DNAH14: variants seen among roughly 807,000 people sequenced by gnomAD.
DNAH14 encodes the protein dynein axonemal heavy chain 14.
DNAH14 carries 478 observed loss-of-function variants against 520.9 expected under a neutral mutation model. The observed-to-expected ratio is 0.92, with a 90% CI of 0.85 to 0.99. The LOEUF (loss-of-function observed/expected upper bound fraction) is 0.99, where lower values mean the gene tolerates loss of function less well. Among genes scored for constraint, DNAH14 ranks in the 50% least tolerant of loss-of-function variants. The pLI is 0.00. For synonymous variants in DNAH14, 1,581 were observed against 1,757.2 expected, an observed-to-expected ratio of 0.90 and a Z score of 2.51; for missense variants, 4,831 against 5,234.5, an observed-to-expected ratio of 0.92 and a Z score of 2.38.
intron 43 of DNAH14, among the ~76,000 whole-genome samples, chr1:225,246,241 A>C (rs2092276859): frequency 1.3e-5 from 2 of 152,182 alleles, no homozygotes; most frequent in Admixed American, 6.5e-5. Context: ...AGATGGATTA[A>C]AGATGTAAAT....
chr1:225,354,981 T>C (rs1243449487), intron 73 of DNAH14, among the ~76,000 whole-genome samples: 1 of 152,228 alleles, frequency 6.6e-6, no homozygotes, highest in Non-Finnish European at 1.5e-5. Context: ...TTTGGTTTTT[T>C]ACAACTTTTC....
At chr1:225,119,319 A>G in intron 26 of DNAH14, 25 bp downstream of exon 26, 1 of 1,461,912 alleles carries the variant, frequency 6.8e-7, no homozygotes, top group Middle Eastern at 2.3e-4. Context: ...CAAATCCTAA[A>G]ATTATATATT....
At chr1:225,226,361 G>A (rs1373385840) in intron 41 of DNAH14, among the ~76,000 whole-genome samples, 3 of 152,120 alleles carry the variant, frequency 2.0e-5, no homozygotes, top group Non-Finnish European at 4.4e-5. Context: ...TTGTGTGCCC[G>A]CCCAAACACA....
At chr1:224,945,161 G>C (rs1391152258) in intron 1 of DNAH14, among the ~76,000 whole-genome samples, 1 of 152,076 alleles carries the variant, frequency 6.6e-6, no homozygotes, top group Non-Finnish European at 1.5e-5. Flanking sequence ...TTTTCACAGA[G>C]TCCCATATTT....
chr1:225,158,070 A>C (rs887385599), intron 34 of DNAH14, among the ~76,000 whole-genome samples: 1 of 152,190 alleles, frequency 6.6e-6, no homozygotes, highest in Admixed American at 6.5e-5. Flanking sequence ...AAGAAATGAT[A>C]AATGTTTGGA....
At chr1:225,008,481 A>AT (rs2064379517) in intron 10 of DNAH14, among the ~76,000 whole-genome samples, 3 of 151,640 alleles carry the variant, frequency 2.0e-5, no homozygotes, top group Non-Finnish European at 4.4e-5. Context: ...CTAGTTCTAG[A>AT]TCCCTACTAT....
chr1:225,251,516 T>G (rs1449919646), intron 43 of DNAH14, among the ~76,000 whole-genome samples: 1 of 152,182 alleles, frequency 6.6e-6, no homozygotes, highest in Admixed American at 6.5e-5. Context: ...AAATCCTTTG[T>G]GTCCTTCAGT....
In DNAH14 at chr1:225,393,813, TG is replaced by T. The variant is rs1244049459; in HGVS notation, c.13491+1363del. On this transcript the variant is annotated intron_variant, in intron 84 of 85. Transcript: ENST00000682510. ...GGACGTGCAGTGATATATCTTTTTT[TG>T]TTTTTTTTTTGTTTTTTTTTTTGAG... Among the ~76,000 whole-genome samples the T allele has an allele frequency of 3.0e-4, 42 of 140,258 alleles. 1 individual carries two copies. The South Asian group carries it at 3.1e-3, about 10-fold the overall frequency. 92.0% of individuals were successfully genotyped at this position (140,258 alleles called of 152,430 possible).
At chr1:225,367,453 T>A (rs2095568059) in intron 76 of DNAH14, among the ~76,000 whole-genome samples, 2 of 152,210 alleles carry the variant, frequency 1.3e-5, no homozygotes, top group South Asian at 4.1e-4. Context: ...TGGGTCCTGT[T>A]ACAGCCTCAT....
At chr1:225,055,272 A>G (rs533099870) in intron 17 of DNAH14, among the ~76,000 whole-genome samples, 13 of 152,282 alleles carry the variant, frequency 8.5e-5, no homozygotes, top group Middle Eastern at 3.4e-3. Flanking sequence ...CCTTCTTCAA[A>G]AATGAGATGT....
intron 44 of DNAH14, among the ~76,000 whole-genome samples, chr1:225,253,370 C>A (rs896430665): frequency 1.2e-4 from 19 of 152,108 alleles, no homozygotes; most frequent in African/African-American, 3.9e-4. Context: ...TTCTCCAAAT[C>A]TAGAACATTA....
At chr1:225,266,377 G>A (rs936988879) in intron 48 of DNAH14, among the ~76,000 whole-genome samples, 3 of 152,078 alleles carry the variant, frequency 2.0e-5, no homozygotes, top group Non-Finnish European at 4.4e-5. Context: ...ACTATTGTCA[G>A]ACATAATTAT....
intron 54 of DNAH14, among the ~76,000 whole-genome samples, chr1:225,278,334 C>G (rs1004959118): frequency 2.0e-5 from 3 of 152,192 alleles, no homozygotes; most frequent in Non-Finnish European, 4.4e-5. Context: ...ACTTTTTCAT[C>G]ACTTGTCACA....
Position 225,140,980 on chromosome 1 carries a change from A to G in DNAH14, c.4467A>G (p.Leu1489=), listed in dbSNP as rs1162811284. The change falls in exon 28 of 86, where the codon CTA becomes CTG. Residue 1489 remains leucine (L), a synonymous_variant. Transcript: ENST00000682510. ...GCAGAGATATAGTGATAAATTTACT[A>G]CTTAAAAATATCTTCAATGCAGAGG... ...VHCRDIVINL[L]LKNIFNAEDF... The G allele has an allele frequency of 1.9e-6, 3 of 1,550,784 alleles. No homozygotes were observed. The highest frequency in any genetic ancestry group is 2.4e-5 in the East Asian group (1 of 40,866).
intron 44 of DNAH14, among the ~76,000 whole-genome samples, chr1:225,255,208 T>G (rs933357586): frequency 2.6e-5 from 4 of 152,154 alleles, no homozygotes; most frequent in Admixed American, 1.3e-4. Context: ...CACTAATGTT[T>G]GAGGAGTTTA....
chr1:225,250,502 A>G (rs1380747278), intron 43 of DNAH14, among the ~76,000 whole-genome samples: 3 of 152,202 alleles, frequency 2.0e-5, no homozygotes, highest in Non-Finnish European at 4.4e-5. Context: ...TACAACAGAG[A>G]TCGTATGTGG....
intron 55 of DNAH14, among the ~76,000 whole-genome samples, chr1:225,294,547 G>A (rs1379618094): frequency 6.6e-6 from 1 of 152,160 alleles, no homozygotes; most frequent in Non-Finnish European, 1.5e-5. Context: ...GAGACCAGGA[G>A]CAGTGGCTCA....
chr1:225,058,892 G>C (rs541915448), intron 17 of DNAH14, among the ~76,000 whole-genome samples: 435 of 152,294 alleles, frequency 2.9e-3, no homozygotes, highest in African/African-American at 0.01. Flanking sequence ...TGTGGTCTGA[G>C]AGACAGTTTG....
In DNAH14 at chr1:225,305,072, A is replaced by G. The variant is rs1305893305; in HGVS notation, c.8988A>G (p.Glu2996=). Residue 2996 remains glutamate, a synonymous_variant, in exon 58 of 86, where the codon GAA becomes GAG. Coordinates refer to ENST00000682510, the MANE Select transcript of DNAH14 (RefSeq NM_001367479.1). ...TFAHILRARE[E]EMQTKRDRFH... ...CACACATTTTGAGGGCACGAGAGGA[A>G]GAGATGCAAACAAAGAGGTAAGACT... 2.0e-6 allele frequency: 3 copies of G among 1,534,294 alleles called. No individual in the cohort carries two copies. The highest frequency in any genetic ancestry group is 2.8e-5 in the African/African-American group (2 of 71,842).
Sources: allele counts gnomAD v4.1 joint callset (sites outside exome capture counted in the v4.1 genomes callset), GRCh38; gene constraint gnomAD v4.1.1; transcripts MANE v1.5; gene names NCBI Gene and HGNC (gene_info 2026-07-23, HGNC 2026-07-21).